USH1G: variants seen among roughly 807,000 people sequenced by gnomAD.
USH1G encodes pre-mRNA splicing regulator USH1G.
Under a neutral mutation model 31.9 loss-of-function variants are expected in USH1G, and 27 were observed. The ratio of observed to expected loss-of-function variants is 0.85; its 90% CI spans 0.62 to 1.17. USH1G has a LOEUF of 1.17. Among genes scored for constraint, USH1G ranks in the 50% most tolerant of loss-of-function variants. USH1G has a pLI of 0.00. For synonymous variants in USH1G, 266 were observed against 283.2 expected (o/e 0.94, Z 0.61); for missense variants, 674 against 638.9 (o/e 1.05, Z -0.59).
chr17:74,919,778 T>C lies in USH1G; in HGVS notation c.1058A>G (p.Asp353Gly). 2 of 1,612,890 alleles carry C rather than the reference T, an allele frequency of 1.2e-6. No individual in the cohort carries two copies. The highest frequency in any genetic ancestry group is 1.1e-5 in the South Asian group (1 of 91,074). ...GTTGGCACTGCCCAGGCTGTCATCG[T>C]CCAGGCTGGGGGAGCTCTGCAGCCG... is the stretch of plus-strand genomic sequence containing the variant. ...RGRLQSSPSL[D>G]DDSLGSANSL... Residue 353 changes from aspartate to glycine, a missense_variant, in exon 2 of 3, where the codon GAC becomes GGC. Coordinates refer to ENST00000614341, the MANE Select transcript of USH1G (RefSeq NM_173477.5). This position sits in a 1 kb window ranked among gnomAD's most constrained non-coding sequence, Gnocchi z 4.5.
rs1430225778 is a variant in USH1G, at chr17:74,919,579, C to T, written c.1257G>A (p.Met419Ile). 3.1e-6 allele frequency: 5 copies of T among 1,612,752 alleles called. No individual in the cohort carries two copies. Among genetic ancestry groups the T allele is most frequent in the Admixed American group, 1.7e-5 (1 of 60,036 alleles). ...TGCGGAGGTCGAGGTCAGAGCACAG[C>T]ATCAAAGCCTCGAGGTCGATCTTCT... is the stretch of plus-strand genomic sequence containing the variant. ...RQEKIDLEAL[M>I]LCSDLDLRSI... is the part of the protein sequence containing the mutation. Residue 419 changes from methionine (M) to isoleucine (I), a missense_variant, in exon 2 of 3, where the codon ATG (methionine) becomes ATA (isoleucine). Physicochemically the swap from Met to Ile is conservative, Grantham distance 10. Transcript: ENST00000614341. The surrounding 1 kb of genome is among the most constrained non-coding windows in gnomAD (Gnocchi z 4.5).
rs2038940153 is a variant in USH1G at position 74,921,307 on chromosome 17, G to GGGA, written c.165-639_165-637dup. Reference sequence around the variant, plus strand: ...AGTGTGGGGGCAGCCAGGACTGGAGGGGAGGAGGAGGGAAATCAGCTGCCC... The same window carrying GGGA: ...AGTGTGGGGGCAGCCAGGACTGGAGGGGAGGAGGAGGAGGGAAATCAGCTGCCC... On this transcript the variant is annotated intron_variant, in intron 1 of 2. Transcript: ENST00000614341. This position sits in a 1 kb window ranked among gnomAD's most constrained non-coding sequence, Gnocchi z 4.6. 6.6e-6 allele frequency among the ~76,000 whole-genome samples: 1 copy of GGGA among 152,042 alleles called. No individual in the cohort carries two copies. The highest frequency in any genetic ancestry group is 6.5e-5 in the Admixed American group (1 of 15,284).
In USH1G at chr17:74,917,974, G is replaced by T; in HGVS notation, c.*99C>A. 1.3e-6 allele frequency: 2 copies of T among 1,521,564 alleles called. No individual in the cohort carries two copies. Among genetic ancestry groups the T allele is most frequent in the South Asian group, 2.3e-5 (2 of 87,198 alleles). The allele number at this position is 1,521,564 out of a possible 1,614,324, so 94.3% of individuals were successfully genotyped here. A position where few individuals can be genotyped will look rare whatever the true frequency, so the allele number is the denominator to read the frequency against. Reference sequence around the variant, plus strand: ...GCCCCAACTGGTCCTTGCTCCTGGGGAAGGGGGCTGCAGGGCTGGCAACTG... The same window carrying T: ...GCCCCAACTGGTCCTTGCTCCTGGGTAAGGGGGCTGCAGGGCTGGCAACTG... On this transcript the variant is annotated 3_prime_UTR_variant, in exon 3 of 3. Coordinates refer to ENST00000614341, the MANE Select transcript of USH1G (RefSeq NM_173477.5).
In USH1G at chr17:74,917,872, G is replaced by A. The variant is rs578014773; in HGVS notation, c.*201C>T. 2.4e-5 allele frequency: 16 copies of A among 675,998 alleles called. No homozygotes were observed. Among genetic ancestry groups the A allele is most frequent in the Admixed American group, 4.8e-5 (2 of 41,492 alleles). The allele number at this position is 675,998 out of a possible 1,614,324, so 41.9% of individuals were successfully genotyped here. On this transcript the variant is annotated 3_prime_UTR_variant, in exon 3 of 3. Coordinates refer to ENST00000614341, the MANE Select transcript of USH1G (RefSeq NM_173477.5). ...CAAGACCCCTCAGAACTGGAGTTCCGGAACATTCTCTTGCCCCTCTGGTGC... is the reference window on the plus strand; with the variant it reads ...CAAGACCCCTCAGAACTGGAGTTCCAGAACATTCTCTTGCCCCTCTGGTGC...
At chr17:74,922,750 T>C (rs530823038) in intron 1 of USH1G, among the ~76,000 whole-genome samples, 160 bp downstream of exon 1, 103 of 152,256 alleles carry the variant, frequency 6.8e-4, no homozygotes, top group African/African-American at 2.3e-3. Flanking sequence ...AAGTGTCAGA[T>C]GCCTCCGCTT....
In USH1G at chr17:74,920,747, G is replaced by A; in HGVS notation, c.165-76C>T. On this transcript the variant is annotated intron_variant, in intron 1 of 2. Transcript: ENST00000614341. The surrounding 1 kb of genome is among the most constrained non-coding windows in gnomAD (Gnocchi z 5.2). ...GGAGGTGGAGGGAGTGGAGGGGGGA[G>A]GGGAGCTTCCCCACTGTCACAGCAA... The A allele has an allele frequency of 6.3e-7, 1 of 1,580,534 alleles. No individual in the cohort carries two copies. The highest frequency in any genetic ancestry group is 2.3e-5 in the East Asian group (1 of 44,180).
In USH1G at chr17:74,921,670, G is replaced by A. The variant is rs1203501414; in HGVS notation, c.165-999C>T. Among the ~76,000 whole-genome samples the A allele has an allele frequency of 6.6e-6, 1 of 152,186 alleles. No homozygotes were observed. Among genetic ancestry groups the A allele is most frequent in the Admixed American group, 6.5e-5 (1 of 15,288 alleles). On this transcript the variant is annotated intron_variant, in intron 1 of 2. Coordinates refer to ENST00000614341, the MANE Select transcript of USH1G (RefSeq NM_173477.5). This position sits in a 1 kb window ranked among gnomAD's most constrained non-coding sequence, Gnocchi z 4.6. Reference sequence around the variant, plus strand: ...AGGCCAGTGTGGGAAGGACCTGCCAGCACCCAACCCACAACCCATCAAACA... The same window carrying A: ...AGGCCAGTGTGGGAAGGACCTGCCAACACCCAACCCACAACCCATCAAACA...
chr17:74,919,466 T>C lies in USH1G; in HGVS notation c.1370A>G (p.Glu457Gly). The change falls in exon 2 of 3, where the codon GAG becomes GGG. Residue 457 changes from glutamate to glycine, a missense_variant. Physicochemically the swap from Glu to Gly is moderately conservative, Grantham distance 98 (BLOSUM62 -2). Coordinates refer to ENST00000614341, the MANE Select transcript of USH1G (RefSeq NM_173477.5). This position sits in a 1 kb window ranked among gnomAD's most constrained non-coding sequence, Gnocchi z 4.5. ...RQAMERPPALEDTEL is the reference protein window; with the variant it reads ...RQAMERPPALGDTEL ...GCTGGACACTCACAGCTCTGTGTCCTCCAGGGCCGGCGGGCGCTCCATCGC... is the reference window on the plus strand; with the variant it reads ...GCTGGACACTCACAGCTCTGTGTCCCCCAGGGCCGGCGGGCGCTCCATCGC... 1 of 1,607,236 alleles carries C rather than the reference T, an allele frequency of 6.2e-7. No individual in the cohort carries two copies. Among genetic ancestry groups the C allele is most frequent in the South Asian group, 1.1e-5 (1 of 90,854 alleles).
rs1481028244 is a variant in USH1G at position 74,919,731 on chromosome 17, C to T, written c.1105G>A (p.Gly369Arg). Residue 369 changes from glycine (G) to arginine (R), a missense_variant, in exon 2 of 3, where the codon GGG (glycine) becomes AGG (arginine). Gly to Arg is a moderately radical substitution (Grantham distance 125). Transcript: ENST00000614341. This position sits in a 1 kb window ranked among gnomAD's most constrained non-coding sequence, Gnocchi z 4.5. ...AGCTCATCCCAGGGCAGCTCCTCCC[C>T]ACAGCTGCGGTCCTGCAGGCTGTTG... ...SANSLQDRSCGEELPWDELDL... is the reference protein window; with the variant it reads ...SANSLQDRSCREELPWDELDL... 6.2e-7 allele frequency: 1 copy of T among 1,612,998 alleles called. No homozygotes were observed. The highest frequency in any genetic ancestry group is 8.5e-7 in the Non-Finnish European group (1 of 1,180,020).
rs1213829591 is a variant in USH1G at position 74,917,733 on chromosome 17, A to G, written c.*340T>C. 2 of 394,352 alleles carry G rather than the reference A, an allele frequency of 5.1e-6. No individual in the cohort carries two copies. Among genetic ancestry groups the G allele is most frequent in the African/African-American group, 4.0e-5 (2 of 49,512 alleles). 24.4% of individuals were successfully genotyped at this position (394,352 alleles called of 1,614,324 possible). On this transcript the variant is annotated 3_prime_UTR_variant, in exon 3 of 3. Coordinates refer to ENST00000614341, the MANE Select transcript of USH1G (RefSeq NM_173477.5). ...GCCCGGGACAGGTGCACCCTCCCGC[A>G]TCCACCTCCCACACTCTCATCCAGT...
Position 74,920,744 on chromosome 17 carries a change from G to A in USH1G, c.165-73C>T. The stretch of plus-strand genomic sequence containing the variant: ...GATGGAGGTGGAGGGAGTGGAGGGG[G>A]GAGGGGAGCTTCCCCACTGTCACAG... On this transcript the variant is annotated intron_variant, in intron 1 of 2. Transcript: ENST00000614341. This position sits in a 1 kb window ranked among gnomAD's most constrained non-coding sequence, Gnocchi z 5.2. The A allele has an allele frequency of 6.3e-7, 1 of 1,586,682 alleles. No homozygotes were observed.
At position 74,918,063 on chromosome 17, in the gene USH1G, G is replaced by A. The variant is rs764308497; in HGVS notation, c.*10C>T. The A allele has an allele frequency of 1.2e-5, 20 of 1,613,938 alleles. No homozygotes were observed. Among genetic ancestry groups the A allele is most frequent in the Admixed American group, 1.7e-5 (1 of 59,992 alleles). On this transcript the variant is annotated 3_prime_UTR_variant, in exon 3 of 3. Coordinates refer to ENST00000614341, the MANE Select transcript of USH1G (RefSeq NM_173477.5). The surrounding 1 kb of genome is among the most constrained non-coding windows in gnomAD (Gnocchi z 4.1). ...GCAATTCATTTTGGTCTGGGGAGAG[G>A]AGCCCCCGGTTATCTGTGGAGGAAG... is the stretch of plus-strand genomic sequence containing the variant.
rs2038941557 is a variant in USH1G at position 74,921,404 on chromosome 17, T to C, written c.165-733A>G. On this transcript the variant is annotated intron_variant, in intron 1 of 2. Transcript: ENST00000614341. The surrounding 1 kb of genome is among the most constrained non-coding windows in gnomAD (Gnocchi z 4.6). ...CCTGCAAGGCTGGCTCACTTGAGCCTGTCCAGGGACCCCCGACAGCCCCCA... is the reference window on the plus strand; with the variant it reads ...CCTGCAAGGCTGGCTCACTTGAGCCCGTCCAGGGACCCCCGACAGCCCCCA... Among the ~76,000 whole-genome samples the C allele has an allele frequency of 6.6e-6, 1 of 152,022 alleles. No homozygotes were observed. Among genetic ancestry groups the C allele is most frequent in the Non-Finnish European group, 1.5e-5 (1 of 67,956 alleles).
In USH1G at chr17:74,920,634, G is replaced by C. The variant is rs1340774660; in HGVS notation, c.202C>G (p.Pro68Ala). The C allele has an allele frequency of 1.2e-5, 20 of 1,613,824 alleles. No individual in the cohort carries two copies. Among genetic ancestry groups the C allele is most frequent in the Non-Finnish European group, 1.7e-5 (20 of 1,180,030 alleles). The change falls in exon 2 of 3, where the codon CCC (proline) becomes GCC (alanine). Residue 68 changes from proline (P) to alanine (A), a missense_variant. Pro to Ala is a conservative substitution (Grantham distance 27). Transcript: ENST00000614341. The surrounding 1 kb of genome is among the most constrained non-coding windows in gnomAD (Gnocchi z 5.2). ...CCATTGGAAGCTGCCAGATGCAGGG[G>C]TGTGTTGCCCCAGATGTCACACTTG... The part of the protein sequence containing the change: ...PDKCDIWGNT[P>A]LHLAASNGHL...
At position 74,918,022 on chromosome 17, in the gene USH1G, T is replaced by C. The variant is rs756229183; in HGVS notation, c.*51A>G. ...CTGTGAGGACCTCGAGACCCCACCA[T>C]AGGTTGTGGCAACTTGCAATTCATT... On this transcript the variant is annotated 3_prime_UTR_variant, in exon 3 of 3. Coordinates refer to ENST00000614341, the MANE Select transcript of USH1G (RefSeq NM_173477.5). This position sits in a 1 kb window ranked among gnomAD's most constrained non-coding sequence, Gnocchi z 4.1. 1.5e-5 allele frequency: 25 copies of C among 1,613,474 alleles called. No individual in the cohort carries two copies. Among genetic ancestry groups the C allele is most frequent in the Non-Finnish European group, 1.9e-5 (23 of 1,179,610 alleles).
In USH1G at chr17:74,920,221, C is replaced by A; in HGVS notation, c.615G>T (p.Thr205=). ...TCTTGCCCCTGGCCGTGCCGTGCAG[C>A]GTGGCCTGAGAGTACGGCAGGTGGC... ...LGSHLPYSQA[T]LHGTARGKTK... Residue 205 remains threonine, a synonymous_variant, in exon 2 of 3, where the codon ACG becomes ACT. Coordinates refer to ENST00000614341, the MANE Select transcript of USH1G (RefSeq NM_173477.5). This position sits in a 1 kb window ranked among gnomAD's most constrained non-coding sequence, Gnocchi z 5.2. 6.2e-7 allele frequency: 1 copy of A among 1,603,060 alleles called. No individual in the cohort carries two copies.
Position 74,918,013 on chromosome 17 carries a change from A to G in USH1G, c.*60T>C, listed in dbSNP as rs1567938447. 6.2e-7 allele frequency: 1 copy of G among 1,611,882 alleles called. No homozygotes were observed. The highest frequency in any genetic ancestry group is 1.3e-5 in the African/African-American group (1 of 74,796). On this transcript the variant is annotated 3_prime_UTR_variant, in exon 3 of 3. Transcript: ENST00000614341. The surrounding 1 kb of genome is among the most constrained non-coding windows in gnomAD (Gnocchi z 4.1). ...GGCTGGCAACTGTGAGGACCTCGAG[A>G]CCCCACCATAGGTTGTGGCAACTTG...
rs1171511730 is a variant in USH1G at position 74,919,324 on chromosome 17, T to C, written c.1382+130A>G. ...AAATAAGGGTGCCTTTTATCATCGA[T>C]GGCCTCATTTCGATTTTATGAAATA... On this transcript the variant is annotated intron_variant, in intron 2 of 2. Coordinates refer to ENST00000614341, the MANE Select transcript of USH1G (RefSeq NM_173477.5). This position sits in a 1 kb window ranked among gnomAD's most constrained non-coding sequence, Gnocchi z 4.5. 2.9e-6 allele frequency: 4 copies of C among 1,378,128 alleles called. No homozygotes were observed. In the African/African-American group the frequency reaches 4.4e-5, roughly 15 times the overall value. The allele number at this position is 1,378,128 out of a possible 1,614,324, so 85.4% of individuals were successfully genotyped here.
In USH1G at chr17:74,919,328, C is replaced by T; in HGVS notation, c.1382+126G>A. The T allele has an allele frequency of 3.6e-6, 5 of 1,401,078 alleles. 1 individual carries two copies. The South Asian group carries it at 6.0e-5, about 17-fold the overall frequency. 86.8% of individuals were successfully genotyped at this position (1,401,078 alleles called of 1,614,324 possible). A position where few individuals can be genotyped will look rare whatever the true frequency, so the allele number is the denominator to read the frequency against. ...AAGGGTGCCTTTTATCATCGATGGC[C>T]TCATTTCGATTTTATGAAATACAGT... On this transcript the variant is annotated intron_variant, in intron 2 of 2. Coordinates refer to ENST00000614341, the MANE Select transcript of USH1G (RefSeq NM_173477.5). This position sits in a 1 kb window ranked among gnomAD's most constrained non-coding sequence, Gnocchi z 4.5.
Sources: gnomAD v4.1 joint callset for allele counts (sites outside exome capture counted in the v4.1 genomes callset) on GRCh38, gnomAD v4.1.1 for gene constraint, Gnocchi (gnomAD v3.1) non-coding constraint, MANE v1.5 for transcripts, NCBI Gene and HGNC (gene_info 2026-07-23, HGNC 2026-07-21) for gene names.